ITGAE: variants seen among roughly 807,000 people sequenced by gnomAD.
ITGAE encodes integrin alpha-E.
In ITGAE, 99 loss-of-function variants were observed where a neutral mutation model predicts 136.5. That is an observed-to-expected ratio of 0.73 (90% CI 0.62 to 0.86). ITGAE has a LOEUF of 0.86. Among genes scored for constraint, ITGAE ranks in the 40% least tolerant of loss-of-function variants. The pLI, the probability that ITGAE is intolerant of heterozygous loss-of-function variation, is 0.00. For missense variants in ITGAE, 1,447 were observed against 1,515.3 expected (o/e 0.95, Z 0.75); for synonymous variants, 613 against 591.8 (o/e 1.04, Z -0.52).
In ITGAE at chr17:3,714,888, C is replaced by A. The variant is rs1456037634; in HGVS notation, c.3499G>T (p.Ala1167Ser). The A allele has an allele frequency of 9.9e-6, 16 of 1,611,502 alleles. No homozygotes were observed. Among genetic ancestry groups the A allele is most frequent in the Non-Finnish European group, 1.4e-5 (16 of 1,178,928 alleles). ...QQLNLESIRK[A>S]QLKSENLLEE... is the part of the protein sequence containing the mutation. ...AGCAGATTCTCTGATTTCAGCTGGG[C>A]CTTCCTGATGCTCTCCAAGTTCAGT... The change falls in exon 31 of 31, where the codon GCC becomes TCC. Residue 1167 changes from alanine to serine, a missense_variant. Ala to Ser is a moderately conservative substitution (Grantham distance 99, BLOSUM62 1). Transcript: ENST00000263087.
At chr17:3,766,635 C>G (rs2052303823) in intron 2 of ITGAE, among the ~76,000 whole-genome samples, 1 of 151,874 alleles carries the variant, frequency 6.6e-6, no homozygotes, top group African/African-American at 2.4e-5. Context: ...AACCCCGTCT[C>G]TACTAAAAAT....
intron 4 of ITGAE, 68 bp downstream of exon 4, chr17:3,761,847 C>G (rs1230496544): frequency 1.4e-6 from 2 of 1,381,712 alleles, no homozygotes; most frequent in Non-Finnish European, 2.0e-6. Context: ...GGTCTCAACA[C>G]CAGGGTCAAC....
At chr17:3,784,277 T>TA in intron 1 of ITGAE, 1 of 343,352 alleles carries the variant, frequency 2.9e-6, no homozygotes. Flanking sequence ...TAAAATAAAA[T>TA]AAAAAAATAA....
chr17:3,760,402 G>T, intron 6 of ITGAE, 115 bp from the exon 7 acceptor site: 22 of 213,726 alleles, frequency 1.0e-4, no homozygotes, highest in East Asian at 4.9e-4. Context: ...GTTCAGGGAA[G>T]AAGTTGGAGA....
chr17:3,734,678 C>G (rs2051421990), intron 21 of ITGAE, 139 bp downstream of exon 21: 1 of 1,015,602 alleles, frequency 9.8e-7, no homozygotes, highest in Admixed American at 2.2e-5. Flanking sequence ...GGGGATTTAT[C>G]TAGTTATTAA....
chr17:3,734,537 T>G (rs1330283920), intron 21 of ITGAE, among the ~76,000 whole-genome samples: 1 of 152,194 alleles, frequency 6.6e-6, no homozygotes, highest in East Asian at 1.9e-4. Flanking sequence ...TAAGCTAATT[T>G]TTACTTTCTC....
At chr17:3,778,428 T>C (rs1342962648) in intron 1 of ITGAE, among the ~76,000 whole-genome samples, 1 of 152,102 alleles carries the variant, frequency 6.6e-6, no homozygotes, top group Admixed American at 6.6e-5. Flanking sequence ...CTGGGCGCGG[T>C]GGCACGTTCC....
At chr17:3,739,414 T>G (rs924339436) in intron 20 of ITGAE, among the ~76,000 whole-genome samples, 3 of 152,114 alleles carry the variant, frequency 2.0e-5, no homozygotes, top group Non-Finnish European at 4.4e-5. Context: ...TCCAGAAATA[T>G]TTGATTGATT....
chr17:3,796,941 C>CG (rs1293416083), intron 1 of ITGAE, among the ~76,000 whole-genome samples: 1 of 152,012 alleles, frequency 6.6e-6, no homozygotes, highest in Admixed American at 6.6e-5. Context: ...GAACACCCAG[C>CG]GGGGCCTCGT....
chr17:3,723,345 A>C lies in ITGAE; in HGVS notation c.3180T>G (p.Ala1060=). ...CCACGGTGACATTTTCTTTATCTGA[A>C]GCGATGACACAGCTCACTGAATGCC... is the stretch of plus-strand genomic sequence containing the variant. The part of the protein sequence containing the change: ...EEWHSVSCVI[A]SDKENVTVAA... The change falls in exon 28 of 31, where the codon GCT becomes GCG. Residue 1060 remains alanine, a synonymous_variant. Coordinates refer to ENST00000263087, the MANE Select transcript of ITGAE (RefSeq NM_002208.5). The C allele has an allele frequency of 6.2e-7, 1 of 1,613,996 alleles. No homozygotes were observed. The highest frequency in any genetic ancestry group is 1.1e-5 in the South Asian group (1 of 91,090).
At chr17:3,795,780 T>C (rs545462952) in intron 1 of ITGAE, among the ~76,000 whole-genome samples, 2 of 151,972 alleles carry the variant, frequency 1.3e-5, no homozygotes, top group Admixed American at 6.6e-5. Context: ...CGTGCGTGTG[T>C]GCATGTGTGT....
At chr17:3,746,518 C>T (rs550509770) in intron 17 of ITGAE, among the ~76,000 whole-genome samples, 7 of 151,364 alleles carry the variant, frequency 4.6e-5, no homozygotes, top group Admixed American at 3.3e-4. Flanking sequence ...TGCAGCGGCG[C>T]GATCTTGGCT....
At chr17:3,743,643 G>T (rs2051638852) in intron 18 of ITGAE, 26 bp from the exon 19 acceptor site, 1 of 1,599,292 alleles carries the variant, frequency 6.3e-7, no homozygotes, top group Non-Finnish European at 8.5e-7. Flanking sequence ...GGAAGGCAGG[G>T]TTAGAGTTGG....
intron 10 of ITGAE, 152 bp from the exon 11 acceptor site, chr17:3,756,049 C>A: frequency 1.5e-6 from 1 of 659,328 alleles, no homozygotes; most frequent in Non-Finnish European, 2.6e-6. Flanking sequence ...CCCAGGTTCT[C>A]CTTGAGCAAC....
At chr17:3,746,072 G>A (rs375462248) in intron 17 of ITGAE, 145 bp from the exon 18 acceptor site, 11 of 705,332 alleles carry the variant, frequency 1.6e-5, no homozygotes, top group African/African-American at 3.7e-5. Flanking sequence ...CTCCTGCGTC[G>A]GTTTTTCAAA....
chr17:3,724,866 A>C, intron 26 of ITGAE: 1 of 1,613,972 alleles, frequency 6.2e-7, no homozygotes, highest in Non-Finnish European at 8.5e-7. Flanking sequence ...GGCCGTCCGG[A>C]GAGAGCATCA....
chr17:3,754,294 C>T (rs1167648267), intron 12 of ITGAE, among the ~76,000 whole-genome samples: 3 of 152,088 alleles, frequency 2.0e-5, no homozygotes, highest in Non-Finnish European at 4.4e-5. Context: ...ATTTTTGAGA[C>T]AGAGTCTCAG....
intron 23 of ITGAE, 94 bp downstream of exon 23, chr17:3,731,010 T>C: frequency 1.0e-6 from 1 of 985,738 alleles, no homozygotes; most frequent in Non-Finnish European, 1.6e-6. Context: ...CTCCCTGGGC[T>C]GTAAGGGGGC....
chr17:3,719,408 A>C (rs1430168561), intron 29 of ITGAE, among the ~76,000 whole-genome samples: 3 of 152,266 alleles, frequency 2.0e-5, no homozygotes, highest in East Asian at 1.9e-4. Flanking sequence ...CATTCCCTCT[A>C]GTAGAGAATC....
Sources: gnomAD v4.1 joint callset for allele counts (sites outside exome capture counted in the v4.1 genomes callset) on GRCh38, gnomAD v4.1.1 for gene constraint, MANE v1.5 for transcripts, NCBI Gene and HGNC (gene_info 2026-07-23, HGNC 2026-07-21) for gene names.